Variants in PRSS23 observed in about 807,000 individuals in gnomAD.
PRSS23 encodes protease, serine 23.
A neutral mutation model predicts 34.7 loss-of-function variants in PRSS23; 25 were observed. The observed-to-expected ratio is 0.72, with a 90% CI of 0.53 to 1.01. The LOEUF (loss-of-function observed/expected upper bound fraction) is 1.01. Ranked by LOEUF, PRSS23 falls within the 50% of genes least tolerant of loss-of-function variation. The pLI, the probability that PRSS23 is intolerant of heterozygous loss-of-function variation, is 0.00. For synonymous variants in PRSS23, 176 were observed against 186.6 expected, an observed-to-expected ratio of 0.94 and a Z score of 0.46; for missense variants, 445 against 475.6, an observed-to-expected ratio of 0.94 and a Z score of 0.60.
intron 2 of PRSS23, among the ~76,000 whole-genome samples, chr11:86,925,352 C>A (rs1297328410): frequency 6.6e-6 from 1 of 151,594 alleles, no homozygotes; most frequent in African/African-American, 2.4e-5. Flanking sequence ...TATATGCATG[C>A]CCTAGTCTGG....
At chr11:86,929,501 T>C (rs902512692) in intron 2 of PRSS23, among the ~76,000 whole-genome samples, 4 of 149,622 alleles carry the variant, frequency 2.7e-5, no homozygotes, top group African/African-American at 9.9e-5. Context: ...AAATTAACCA[T>C]GCATGGTGGC....
intron 2 of PRSS23, among the ~76,000 whole-genome samples, chr11:86,867,705 C>A (rs1309659240): frequency 2.0e-5 from 3 of 151,818 alleles, no homozygotes; most frequent in African/African-American, 4.8e-5. Flanking sequence ...CATAGTGAGA[C>A]CCTGTCTCTA....
chr11:86,820,741 G>A (rs1054417438), intron 1 of PRSS23, among the ~76,000 whole-genome samples: 66 of 152,108 alleles, frequency 4.3e-4, no homozygotes, highest in Non-Finnish European at 8.4e-4. Flanking sequence ...TAAACTCAGG[G>A]TGAAACAAAG....
intron 2 of PRSS23, among the ~76,000 whole-genome samples, chr11:86,859,427 AG>A (rs770981305): frequency 4.0e-5 from 6 of 151,874 alleles, no homozygotes; most frequent in Non-Finnish European, 7.4e-5. Flanking sequence ...TACTATCCAA[AG>A]GGGAAGAGGC....
chr11:86,899,709 G>A (rs1948898615), intron 2 of PRSS23, among the ~76,000 whole-genome samples: 1 of 151,968 alleles, frequency 6.6e-6, no homozygotes, highest in South Asian at 2.1e-4. Context: ...GTAGAGACAG[G>A]GTTTCACCAT....
intron 2 of PRSS23, among the ~76,000 whole-genome samples, chr11:86,906,952 G>A (rs1948947513): frequency 2.0e-5 from 3 of 152,074 alleles, no homozygotes; most frequent in South Asian, 4.2e-4. Context: ...GATAGATTCC[G>A]GCTGATGTCA....
intron 2 of PRSS23, among the ~76,000 whole-genome samples, chr11:86,915,075 A>T (rs1372756222): frequency 6.6e-6 from 1 of 152,254 alleles, no homozygotes; most frequent in South Asian, 2.1e-4. Flanking sequence ...GTTGGGAACC[A>T]TCAATCGCAT....
chr11:86,857,543 T>C (rs775978686), intron 2 of PRSS23: 2 of 468,848 alleles, frequency 4.3e-6, no homozygotes, highest in African/African-American at 2.0e-5. Flanking sequence ...CAGCTGGGAA[T>C]CCAACAGGCT....
chr11:86,880,507 A>G lies in PRSS23; in HGVS notation c.206+56914A>G, dbSNP rs1948766015. Among the ~76,000 whole-genome samples, 6 of 152,100 alleles carry G rather than the reference A, an allele frequency of 3.9e-5. No individual in the cohort carries two copies. In the South Asian group the frequency reaches 1.2e-3, roughly 32 times the overall value. On this transcript the variant is annotated intron_variant, in intron 2 of 2. Coordinates refer to the PRSS23 transcript ENST00000533902. ...ATACACTTGACTTTTTTTTAACTTT[A>G]AGTTCCTGGATATATGTGCAGAATG...
At chr11:86,952,376 C>G in exon 3 of PRSS23, 1 of 1,614,180 alleles carries the variant, frequency 6.2e-7, no homozygotes, top group African/African-American at 1.3e-5. Flanking sequence ...GGGTTCACAG[C>G]GTCTCTTGAC....
chr11:86,921,032 T>A (rs1053310374), intron 2 of PRSS23, among the ~76,000 whole-genome samples: 1 of 152,240 alleles, frequency 6.6e-6, no homozygotes, highest in African/African-American at 2.4e-5. Flanking sequence ...AGGTTCACTG[T>A]CTGCTCCTTC....
rs557875350 is a variant in PRSS23 at position 86,828,561 on chromosome 11, T to C, written c.206+4968T>C. Among the ~76,000 whole-genome samples, 14 of 152,238 alleles carry C rather than the reference T, an allele frequency of 9.2e-5. 1 individual carries two copies. The highest frequency in any genetic ancestry group is 3.4e-3 in the Middle Eastern group (1 of 294). On this transcript the variant is annotated intron_variant, in intron 2 of 2. Coordinates refer to the PRSS23 transcript ENST00000533902. ...TATGATGTTAGCTGGTTATTTTGCT[T>C]GTTAGTTGATGCAGTTTCTCCCTAG... is the stretch of plus-strand genomic sequence containing the variant.
At chr11:86,929,951 T>C (rs1590932586) in intron 2 of PRSS23, among the ~76,000 whole-genome samples, 1 of 152,096 alleles carries the variant, frequency 6.6e-6, no homozygotes, top group East Asian at 1.9e-4. Flanking sequence ...AGAGTGTGCA[T>C]ATGTGTAAAA....
chr11:86,844,319 A>G (rs1387917210), intron 2 of PRSS23, among the ~76,000 whole-genome samples: 4 of 152,078 alleles, frequency 2.6e-5, no homozygotes, highest in African/African-American at 9.7e-5. Context: ...GTAAATGTTG[A>G]GTTGATGGGT....
intron 2 of PRSS23, among the ~76,000 whole-genome samples, chr11:86,826,307 G>A (rs1459847280): frequency 6.6e-6 from 1 of 151,944 alleles, no homozygotes; most frequent in Non-Finnish European, 1.5e-5. Flanking sequence ...TGTTATTTGT[G>A]TATAAGAATG....
intron 2 of PRSS23, among the ~76,000 whole-genome samples, chr11:86,863,972 C>T (rs917596866): frequency 6.6e-6 from 1 of 152,190 alleles, no homozygotes; most frequent in Non-Finnish European, 1.5e-5. Flanking sequence ...GACCCCATGT[C>T]CATGACGAGT....
downstream of PRSS23, among the ~76,000 whole-genome samples, chr11:86,811,731 G>C (rs940192419): frequency 1.3e-5 from 2 of 152,078 alleles, no homozygotes; most frequent in African/African-American, 4.8e-5. Context: ...ACCTGGTGAT[G>C]CCTGGATCAT....
intron 2 of PRSS23, among the ~76,000 whole-genome samples, chr11:86,900,915 G>A (rs1472967095): frequency 1.3e-5 from 2 of 150,028 alleles, no homozygotes; most frequent in African/African-American, 4.9e-5. Context: ...CTCCCAAGTA[G>A]CTAGGACTAC....
At chr11:86,803,710 C>A (rs1025197317) in intron 1 of PRSS23, among the ~76,000 whole-genome samples, 1 of 152,050 alleles carries the variant, frequency 6.6e-6, no homozygotes, top group East Asian at 1.9e-4. Context: ...AGCCATCCCT[C>A]CACTCAGTTC....
Sources: allele counts gnomAD v4.1 joint callset (sites outside exome capture counted in the v4.1 genomes callset), GRCh38; gene constraint gnomAD v4.1.1; transcripts MANE v1.5; gene names NCBI Gene and HGNC (gene_info 2026-07-23, HGNC 2026-07-21).